The following RNPEPL1 variants were observed in gnomAD, a reference collection of about 807,000 sequenced individuals.
RNPEPL1 encodes the protein aminopeptidase RNPEPL1.
A neutral mutation model predicts 69.0 loss-of-function variants in RNPEPL1; 46 were observed. That is an observed-to-expected ratio of 0.67 (90% confidence interval 0.53 to 0.85). The LOEUF is 0.85. Ranked by LOEUF, RNPEPL1 falls within the 40% of genes least tolerant of loss-of-function variation. RNPEPL1 has a pLI of 0.00. For missense variants in RNPEPL1, 869 were observed against 992.5 expected (o/e 0.88, Z 1.67); for synonymous variants, 525 against 454.1 (o/e 1.16, Z -1.98).
rs2093034579 is a variant in RNPEPL1, at chr2:240,575,348, C to G, written c.1402-154C>G. 5.2e-6 allele frequency: 4 copies of G among 770,362 alleles called. No homozygotes were observed. The East Asian group carries it at 7.7e-5, about 15-fold the overall frequency. The allele number at this position is 770,362 out of a possible 1,614,324, so 47.7% of individuals were successfully genotyped here. On this transcript the variant is annotated intron_variant, in intron 7 of 10. Transcript: ENST00000270357. ...ACCCTGTTTGCTCCCTTGGCAGGGC[C>G]TGCGTGCCAAGTGCTGGCTCCGCAG...
rs1324778359 is a variant in RNPEPL1 at position 240,578,213 on chromosome 2, G to A, written c.*321G>A. Reference sequence around the variant, plus strand: ...AGCACCTGCCAGGTGCCGCCCCGGGGCAAGGGCCCCAGCAGCCCTATGGTG... The same window carrying A: ...AGCACCTGCCAGGTGCCGCCCCGGGACAAGGGCCCCAGCAGCCCTATGGTG... On this transcript the variant is annotated 3_prime_UTR_variant, in exon 11 of 11. Transcript: ENST00000270357. 7.5e-6 allele frequency: 2 copies of A among 266,002 alleles called. No homozygotes were observed. Among genetic ancestry groups the A allele is most frequent in the Middle Eastern group, 1.1e-3 (1 of 946 alleles). The allele number at this position is 266,002 out of a possible 1,614,324, so 16.5% of individuals were successfully genotyped here.
At chr2:240,573,955 T>C (rs2093030222) in intron 4 of RNPEPL1, 64 bp downstream of exon 4, 2 of 1,474,436 alleles carry the variant, frequency 1.4e-6, no homozygotes, top group African/African-American at 1.4e-5. Context: ...GAGCCCCTCG[T>C]CTGACCCCTG....
rs769541243 is a variant in RNPEPL1, at chr2:240,573,305, G to A, written c.821+44G>A. On this transcript the variant is annotated intron_variant, in intron 3 of 10. Transcript: ENST00000270357. ...GCCTTCTGGGGCTGCGCAGGCCTCG[G>A]GGAGAGCCCCACCGGGGGTCTGTGG... 1.8e-5 allele frequency: 28 copies of A among 1,525,408 alleles called. No individual in the cohort carries two copies. In the East Asian group the frequency reaches 2.5e-4, roughly 13 times the overall value. 94.5% of individuals were successfully genotyped at this position (1,525,408 alleles called of 1,614,324 possible). A position where few individuals can be genotyped will look rare whatever the true frequency, so the allele number is the denominator to read the frequency against.
In RNPEPL1 at chr2:240,573,205, C is replaced by G; in HGVS notation, c.765C>G (p.Pro255=). The change falls in exon 3 of 11, where the codon CCC becomes CCG. Residue 255 remains proline, a synonymous_variant. Coordinates refer to ENST00000270357, the MANE Select transcript of RNPEPL1 (RefSeq NM_018226.6). The part of the protein sequence containing the change: ...VFHFHMEHPV[P]AYLVALVAGD... ...ACTTCCACATGGAGCACCCCGTGCC[C>G]GCCTACCTCGTGGCCCTGGTGGCCG... The G allele has an allele frequency of 6.3e-7, 1 of 1,586,440 alleles. No individual in the cohort carries two copies. Among genetic ancestry groups the G allele is most frequent in the Non-Finnish European group, 8.6e-7 (1 of 1,166,936 alleles).
intron 3 of RNPEPL1, among the ~76,000 whole-genome samples, 163 bp from the exon 4 acceptor site, chr2:240,573,612 G>T (rs1411350578): frequency 6.6e-6 from 1 of 152,262 alleles, no homozygotes; most frequent in Non-Finnish European, 1.5e-5. Context: ...AAGGGCCAGG[G>T]TGGCTGCCCA....
Position 240,571,890 on chromosome 2 carries a change from G to C in RNPEPL1, c.529-533G>C, listed in dbSNP as rs572622495. On this transcript the variant is annotated intron_variant, in intron 1 of 10. Coordinates refer to ENST00000270357, the MANE Select transcript of RNPEPL1 (RefSeq NM_018226.6). Reference sequence around the variant, plus strand: ...CCTGGCTTGGAGCCTGTCTCTTGCAGGGTCCCTCCAGGCGAGGCTGCCTGG... The same window carrying C: ...CCTGGCTTGGAGCCTGTCTCTTGCACGGTCCCTCCAGGCGAGGCTGCCTGG... Among the ~76,000 whole-genome samples the C allele has an allele frequency of 2.0e-5, 3 of 152,216 alleles. No homozygotes were observed. The East Asian group carries it at 5.8e-4, about 30-fold the overall frequency.
rs2093012834 is a variant in RNPEPL1 at position 240,568,919 on chromosome 2, G to A, written c.333G>A (p.Pro111=). ...PCAFAFSAPG[P]GPAPPPPLPA... ...CCTTCGCCTTCTCCGCCCCCGGGCC[G>A]GGGCCCGCGCCGCCGCCCCCGCTGC... The change falls in exon 1 of 11, where the codon CCG becomes CCA. Residue 111 remains proline (P), a synonymous_variant. Coordinates refer to ENST00000270357, the MANE Select transcript of RNPEPL1 (RefSeq NM_018226.6). This position sits in a 1 kb window ranked among gnomAD's most constrained non-coding sequence, Gnocchi z 6.2. 6.2e-6 allele frequency: 8 copies of A among 1,296,732 alleles called. No homozygotes were observed. Among genetic ancestry groups the A allele is most frequent in the East Asian group, 3.2e-5 (1 of 30,808 alleles). The allele number at this position is 1,296,732 out of a possible 1,614,324, so 80.3% of individuals were successfully genotyped here.
Position 240,573,167 on chromosome 2 carries a change from G to C in RNPEPL1, c.727G>C (p.Glu243Gln), listed in dbSNP as rs755007123. ...SATRSAYMEE[E>Q]GVFHFHMEHP... is the part of the protein sequence containing the mutation. ...CACCCGGAGTGCATACATGGAGGAA[G>C]AAGGCGTCTTCCACTTCCACATGGA... Residue 243 changes from glutamate (E) to glutamine (Q), a missense_variant, in exon 3 of 11, where the codon GAA (glutamate) becomes CAA (glutamine). By Grantham distance (29) the Glu-to-Gln change is conservative (BLOSUM62 2). This residue lies in a region of RNPEPL1 where 610 missense variants were observed against 790.9 expected (regional missense o/e 0.77). Coordinates refer to ENST00000270357, the MANE Select transcript of RNPEPL1 (RefSeq NM_018226.6). 6.2e-7 allele frequency: 1 copy of C among 1,608,712 alleles called. No homozygotes were observed. The highest frequency in any genetic ancestry group is 8.5e-7 in the Non-Finnish European group (1 of 1,178,404).
Position 240,581,130 on chromosome 2 carries a change from G to A in RNPEPL1, c.*3238G>A, listed in dbSNP as rs2093051086. 1 of 152,248 alleles carries A rather than the reference G, an allele frequency of 6.6e-6. No homozygotes were observed. The highest frequency in any genetic ancestry group is 6.5e-5 in the Admixed American group (1 of 15,276). The allele number at this position is 152,248 out of a possible 1,614,324, so 9.4% of individuals were successfully genotyped here. A position where few individuals can be genotyped will look rare whatever the true frequency, so the allele number is the denominator to read the frequency against. ...ATCACCTGCCCAGGGCAGCAACACA[G>A]TGTGAAGGAAAACAGGCCACTCAAC... is the stretch of plus-strand genomic sequence containing the variant. On this transcript the variant is annotated 3_prime_UTR_variant, in exon 11 of 11. Coordinates refer to ENST00000270357, the MANE Select transcript of RNPEPL1 (RefSeq NM_018226.6).
chr2:240,569,357 T>C (rs1301392852), intron 1 of RNPEPL1: 3 of 466,296 alleles, frequency 6.4e-6, no homozygotes, highest in African/African-American at 2.1e-5. Flanking sequence ...GTCTGGTCCC[T>C]GCCTGGGGAC....
At position 240,579,633 on chromosome 2, in the gene RNPEPL1, C is replaced by T. The variant is rs1433346815; in HGVS notation, c.*1741C>T. ...CTAAAGTCTTGCCAGGCAGGCACAG[C>T]TAGGGCCCCTGCCTGGGAGTGGACA... On this transcript the variant is annotated 3_prime_UTR_variant, in exon 11 of 11. Coordinates refer to ENST00000270357, the MANE Select transcript of RNPEPL1 (RefSeq NM_018226.6). The T allele has an allele frequency of 2.0e-5, 3 of 152,146 alleles. No homozygotes were observed. Among genetic ancestry groups the T allele is most frequent in the African/African-American group, 4.8e-5 (2 of 41,408 alleles). 9.4% of individuals were successfully genotyped at this position (152,146 alleles called of 1,614,324 possible).
Position 240,576,725 on chromosome 2 carries a change from C to T in RNPEPL1, c.1701C>T (p.Leu567=). The change falls in exon 9 of 11, where the codon CTC becomes CTT. Residue 567 remains leucine, a synonymous_variant. Coordinates refer to ENST00000270357, the MANE Select transcript of RNPEPL1 (RefSeq NM_018226.6). ...AGTGGAGGACCTTCCAGACAGCACT[C>T]TTCCTGGACCGGCTCCTGGATGGGT... ...ISKWRTFQTA[L]FLDRLLDGSP... 6.2e-7 allele frequency: 1 copy of T among 1,612,986 alleles called. No individual in the cohort carries two copies. Among genetic ancestry groups the T allele is most frequent in the Non-Finnish European group, 8.5e-7 (1 of 1,179,958 alleles).
chr2:240,568,630 C>T lies in RNPEPL1; in HGVS notation c.44C>T (p.Ala15Val). Residue 15 changes from alanine (A) to valine (V), a missense_variant, in exon 1 of 11, where the codon GCC becomes GTC. By Grantham distance (64) the Ala-to-Val change is moderately conservative. Coordinates refer to ENST00000270357, the MANE Select transcript of RNPEPL1 (RefSeq NM_018226.6). The surrounding 1 kb of genome is among the most constrained non-coding windows in gnomAD (Gnocchi z 6.2). ...CCCRQAPGAE[A>V]APVRPPPEPP... ...TGCCGCCAGGCGCCCGGCGCCGAGG[C>T]CGCGCCCGTCCGCCCGCCGCCCGAG... The T allele has an allele frequency of 1.0e-6, 1 of 1,000,622 alleles. No individual in the cohort carries two copies. Among genetic ancestry groups the T allele is most frequent in the Non-Finnish European group, 1.2e-6 (1 of 842,804 alleles). 62.0% of individuals were successfully genotyped at this position (1,000,622 alleles called of 1,614,324 possible).
chr2:240,572,883 G>A (rs1021049250), intron 2 of RNPEPL1, among the ~76,000 whole-genome samples: 3 of 152,366 alleles, frequency 2.0e-5, no homozygotes, highest in African/African-American at 4.8e-5. Flanking sequence ...CACCGGGCCC[G>A]AACTTGGCAG....
chr2:240,569,742 C>T (rs568695973), intron 1 of RNPEPL1, among the ~76,000 whole-genome samples: 100 of 152,324 alleles, frequency 6.6e-4, no homozygotes, highest in Non-Finnish European at 1.3e-3. Flanking sequence ...GGAGCAGGGC[C>T]TTTCCTGCCT....
In RNPEPL1 at chr2:240,575,596, T is replaced by C. The variant is rs980694033; in HGVS notation, c.1496T>C (p.Val499Ala). ...SFFPELKEQS[V>A]DCRAGLEFER... ...TTCCCGGAGCTGAAGGAGCAGAGCG[T>C]GGACTGCCGGGCAGGTGAGGCTGAC... The change falls in exon 8 of 11, where the codon GTG becomes GCG. Residue 499 changes from valine to alanine, a missense_variant. Physicochemically the swap from Val to Ala is moderately conservative, Grantham distance 64. Transcript: ENST00000270357. 4.3e-6 allele frequency: 7 copies of C among 1,613,052 alleles called. No homozygotes were observed. Among genetic ancestry groups the C allele is most frequent in the African/African-American group, 1.3e-5 (1 of 74,930 alleles).
chr2:240,571,109 A>T (rs961243398), intron 1 of RNPEPL1, among the ~76,000 whole-genome samples: 2 of 151,740 alleles, frequency 1.3e-5, no homozygotes, highest in Non-Finnish European at 2.9e-5. Context: ...CCCAAGGGGG[A>T]GGCTGCGTTT....
At chr2:240,575,225 G>T in intron 7 of RNPEPL1, 83 bp downstream of exon 7, 2 of 1,136,190 alleles carry the variant, frequency 1.8e-6, no homozygotes, top group Non-Finnish European at 2.7e-6. Context: ...TGCTCTTGCG[G>T]CAGTTGGGGT....
Position 240,571,280 on chromosome 2 carries a change from G to A in RNPEPL1, c.529-1143G>A, listed in dbSNP as rs3762623. ...GGCAGGGGTCTGGCCGGGACTGCGG[G>A]GGAGGCAGCCCTCCTGGTCTGGGAT... On this transcript the variant is annotated intron_variant, in intron 1 of 10. Transcript: ENST00000270357. 2.5e-3 allele frequency among the ~76,000 whole-genome samples: 381 copies of A among 152,300 alleles called. 15 individuals are homozygous for A. In the East Asian group the frequency reaches 0.065, roughly 26 times the overall value.
Sources: gnomAD v4.1 joint callset for allele counts (sites outside exome capture counted in the v4.1 genomes callset) on GRCh38, gnomAD v4.1.1 for gene constraint, gnomAD v4.1.1 regional missense constraint, Gnocchi (gnomAD v3.1) non-coding constraint, MANE v1.5 for transcripts, NCBI Gene and HGNC (gene_info 2026-07-23, HGNC 2026-07-21) for gene names.